Variants in SUMF1 observed in about 807,000 individuals in gnomAD.
SUMF1 encodes sulfatase modifying factor 1.
In SUMF1, 48 loss-of-function variants were observed where a neutral mutation model predicts 47.6. The ratio of observed to expected loss-of-function variants is 1.01; its 90% CI spans 0.80 to 1.28. The LOEUF is 1.28. Among genes scored for constraint, SUMF1 ranks in the 50% most tolerant of loss-of-function variants. SUMF1 has a pLI of 0.00. For synonymous variants in SUMF1, 230 were observed against 192.1 expected, an observed-to-expected ratio of 1.20 and a Z score of -1.63; for missense variants, 571 against 485.4, an observed-to-expected ratio of 1.18 and a Z score of -1.66.
intron 8 of SUMF1, among the ~76,000 whole-genome samples, chr3:4,142,120 T>C (rs966936899): frequency 6.6e-5 from 10 of 152,158 alleles, no homozygotes; most frequent in Non-Finnish European, 1.3e-4. Flanking sequence ...TTGAAGAATG[T>C]GGTTGTTTCT....
chr3:4,404,661 G>C (rs1701319950), intron 7 of SUMF1, among the ~76,000 whole-genome samples: 1 of 152,204 alleles, frequency 6.6e-6, no homozygotes, highest in Non-Finnish European at 1.5e-5. Flanking sequence ...CTACTTGCGA[G>C]GCTGAGGCAG....
At chr3:4,342,036 C>T (rs565876347) in intron 8 of SUMF1, among the ~76,000 whole-genome samples, 23 of 152,278 alleles carry the variant, frequency 1.5e-4, no homozygotes, top group African/African-American at 5.5e-4. Context: ...TTCTAAAGCT[C>T]CAAGTTTATA....
intron 8 of SUMF1, among the ~76,000 whole-genome samples, chr3:4,240,807 T>C (rs1696519383): frequency 6.6e-6 from 1 of 151,880 alleles, no homozygotes; most frequent in Non-Finnish European, 1.5e-5. Context: ...TTATATTTTA[T>C]TTTTATATGT....
chr3:4,236,793 C>T (rs558784624), intron 8 of SUMF1, among the ~76,000 whole-genome samples: 1 of 152,066 alleles, frequency 6.6e-6, no homozygotes, highest in African/African-American at 2.4e-5. Flanking sequence ...AAGGTTCACC[C>T]TTAGTGTTGT....
At chr3:4,110,643 C>A (rs1364233873) in intron 8 of SUMF1, among the ~76,000 whole-genome samples, 2 of 151,906 alleles carry the variant, frequency 1.3e-5, no homozygotes, top group African/African-American at 4.8e-5. Context: ...CACATATACA[C>A]CATGGAATAC....
At chr3:4,213,595 C>A (rs1374936175) in intron 8 of SUMF1, among the ~76,000 whole-genome samples, 1 of 152,064 alleles carries the variant, frequency 6.6e-6, no homozygotes, top group African/African-American at 2.4e-5. Context: ...GCTAAATGCC[C>A]CAATTAAAAG....
chr3:4,276,873 A>G (rs1697430283), intron 8 of SUMF1, among the ~76,000 whole-genome samples: 1 of 152,196 alleles, frequency 6.6e-6, no homozygotes, highest in South Asian at 2.1e-4. Flanking sequence ...ATGTTTAAAA[A>G]CCTTGACAAA....
At position 4,139,708 on chromosome 3, in the gene SUMF1, A is replaced by G. The variant is rs143299978; in HGVS notation, c.1015-70963T>C. On this transcript the variant is annotated intron_variant and NMD_transcript_variant, in intron 8 of 12. Transcript: ENST00000448413. ...GACTAGTCATATGGCAAACAATTGC[A>G]TAGTAAGTCTAGCTGCACAATTGCC... 1.3e-3 allele frequency among the ~76,000 whole-genome samples: 191 copies of G among 151,970 alleles called. 4 individuals carry two copies. The highest frequency in any genetic ancestry group is 4.3e-3 in the African/African-American group (180 of 41,466).
chr3:4,186,999 T>A (rs986595690), intron 8 of SUMF1, among the ~76,000 whole-genome samples: 1 of 152,208 alleles, frequency 6.6e-6, no homozygotes, highest in Non-Finnish European at 1.5e-5. Flanking sequence ...TTGCTAGTTA[T>A]GCAATACATT....
At chr3:4,465,115 T>C (rs955007477) in intron 1 of SUMF1, among the ~76,000 whole-genome samples, 1 of 152,236 alleles carries the variant, frequency 6.6e-6, no homozygotes. Flanking sequence ...GACCAATGTA[T>C]ATATGCAAAT....
rs527754344 is a variant in SUMF1, at chr3:4,399,271, A to C, written c.954+11594T>G. The stretch of plus-strand genomic sequence containing the variant: ...TCAGGACTATATTATACAGGGATGC[A>C]GGGTCTGAGGCATATATCTTCTTTT... On this transcript the variant is annotated intron_variant, in intron 7 of 8. Transcript: ENST00000272902. Among the ~76,000 whole-genome samples the C allele has an allele frequency of 1.5e-3, 227 of 152,284 alleles. No homozygotes were observed. The Middle Eastern group carries it at 0.02, about 14-fold the overall frequency.
At chr3:4,423,279 T>TACATAC (rs57526958) in intron 3 of SUMF1, among the ~76,000 whole-genome samples, 21 of 147,224 alleles carry the variant, frequency 1.4e-4, no homozygotes, top group African/African-American at 4.6e-4. Flanking sequence ...GAAACTGTGA[T>TACATAC]ACACACACAC....
chr3:4,126,916 A>C (rs17702647), intron 8 of SUMF1, among the ~76,000 whole-genome samples: 49,576 of 152,020 alleles, frequency 0.33, 8,751 homozygotes, highest in Middle Eastern at 0.41. Flanking sequence ...TCCCTGAGGT[A>C]AGTCACTGAT....
chr3:4,272,294 G>A (rs578012581), intron 8 of SUMF1, among the ~76,000 whole-genome samples: 7 of 152,328 alleles, frequency 4.6e-5, no homozygotes, highest in South Asian at 4.1e-4. Flanking sequence ...GGAGGAAAAC[G>A]CAGAGGCTGG....
intron 9 of SUMF1, among the ~76,000 whole-genome samples, chr3:4,053,695 G>T (rs1271063513): frequency 6.6e-6 from 1 of 152,036 alleles, no homozygotes; most frequent in Non-Finnish European, 1.5e-5. Context: ...GGGTCATAAG[G>T]TTTTTGAAGT....
intron 3 of SUMF1, among the ~76,000 whole-genome samples, chr3:4,426,677 T>A (rs139824636): frequency 6.6e-6 from 1 of 152,220 alleles, no homozygotes; most frequent in East Asian, 1.9e-4. Flanking sequence ...GTGTGTTGTT[T>A]ACAGAGCAGA....
In SUMF1 at chr3:4,180,093, G is replaced by T. The variant is rs187862695; in HGVS notation, c.1015-111348C>A. On this transcript the variant is annotated intron_variant and NMD_transcript_variant, in intron 8 of 12. Coordinates refer to the SUMF1 transcript ENST00000448413. The stretch of plus-strand genomic sequence containing the variant: ...AAATAGGAACGCTTTTACACTGTTG[G>T]TGGGAGTGTAAATTAGTTCCACCAT... Among the ~76,000 whole-genome samples the T allele has an allele frequency of 4.5e-4, 68 of 152,320 alleles. 2 individuals carry two copies. In the East Asian group the frequency reaches 0.013, roughly 29 times the overall value.
At position 4,141,922 on chromosome 3, in the gene SUMF1, AT is replaced by A. The variant is rs567901290; in HGVS notation, c.1015-73178del. On this transcript the variant is annotated intron_variant and NMD_transcript_variant, in intron 8 of 12. Coordinates refer to the SUMF1 transcript ENST00000448413. ...TCTGGGTGGAGCCCTAGGAACCCAC[AT>A]GTTTTCAAAAATTGCTCAAGCAAGA... Among the ~76,000 whole-genome samples the A allele has an allele frequency of 1.0e-3, 159 of 152,240 alleles. 1 individual carries two copies. Among genetic ancestry groups the A allele is most frequent in the Admixed American group, 6.1e-3 (93 of 15,288 alleles).
intron 8 of SUMF1, among the ~76,000 whole-genome samples, chr3:4,265,695 T>C (rs186221704): frequency 1.2e-4 from 19 of 152,326 alleles, no homozygotes; most frequent in African/African-American, 3.4e-4. Flanking sequence ...TTCACTCTGA[T>C]GGTAGTTTCT....
Sources: allele counts gnomAD v4.1 joint callset (sites outside exome capture counted in the v4.1 genomes callset), GRCh38; gene constraint gnomAD v4.1.1; transcripts MANE v1.5; gene names NCBI Gene and HGNC (gene_info 2026-07-23, HGNC 2026-07-21).